Variants in RBFOX1 observed in about 807,000 individuals in gnomAD.
The protein encoded by RBFOX1 is RNA binding protein fox-1 homolog 1.
A neutral mutation model predicts 57.7 loss-of-function variants in RBFOX1; 8 were observed. That is an observed-to-expected ratio of 0.14 (90% CI 0.08 to 0.25). RBFOX1 has a LOEUF of 0.25. RBFOX1 is among the 10% of genes least tolerant of loss of function. RBFOX1 has a pLI of 1.00. For missense variants in RBFOX1, 611 were observed against 548.5 expected, an observed-to-expected ratio of 1.11 and a Z score of -1.14; for synonymous variants, 326 against 222.4, an observed-to-expected ratio of 1.47 and a Z score of -4.15.
intron 4 of RBFOX1, among the ~76,000 whole-genome samples, chr16:7,439,782 A>C (rs1378525575): frequency 1.3e-5 from 2 of 152,064 alleles, no homozygotes; most frequent in Admixed American, 6.6e-5. Flanking sequence ...CCAAATTTAC[A>C]GATTGCTTGC....
At chr16:6,977,146 A>G (rs551864703) in intron 3 of RBFOX1, among the ~76,000 whole-genome samples, 53 of 103,796 alleles carry the variant, frequency 5.1e-4, no homozygotes, top group African/African-American at 2.1e-3. Flanking sequence ...TATATTATAT[A>G]TATCATATAT....
chr16:7,141,946 C>T (rs952338680), intron 4 of RBFOX1, among the ~76,000 whole-genome samples: 2 of 152,116 alleles, frequency 1.3e-5, no homozygotes, highest in Non-Finnish European at 2.9e-5. Flanking sequence ...GATGTTTCAG[C>T]GGGATCCTAT....
chr16:7,527,143 G>T (rs1015252093), intron 5 of RBFOX1, among the ~76,000 whole-genome samples: 6 of 152,146 alleles, frequency 3.9e-5, no homozygotes, highest in African/African-American at 1.4e-4. Context: ...GTGTGACTGA[G>T]CTGTTTTGTC....
At position 6,553,203 on chromosome 16, in the gene RBFOX1, C is replaced by T. The variant is rs76971562; in HGVS notation, c.-63-101400C>T. Among the ~76,000 whole-genome samples, 569 of 152,240 alleles carry T rather than the reference C, an allele frequency of 3.7e-3. 6 individuals are homozygous for T. Among genetic ancestry groups the T allele is most frequent in the African/African-American group, 0.012 (478 of 41,540 alleles). On this transcript the variant is annotated intron_variant, in intron 2 of 15. Transcript: ENST00000550418. ...ATAAATATTTCTGCAGCTCTTCTCA[C>T]GCTATGGATTTGAGATGTGAACAGG...
chr16:7,537,372 G>A (rs1369454014), intron 5 of RBFOX1, among the ~76,000 whole-genome samples: 1 of 152,176 alleles, frequency 6.6e-6, no homozygotes, highest in African/African-American at 2.4e-5. Flanking sequence ...AATTCTGAGA[G>A]TGACCATTGA....
At chr16:5,702,637 A>G (rs1414106667) in intron 3 of RBFOX1, among the ~76,000 whole-genome samples, 1 of 152,196 alleles carries the variant, frequency 6.6e-6, no homozygotes, top group Non-Finnish European at 1.5e-5. Flanking sequence ...TGTTTTAACA[A>G]TAAGCTTCTA....
At chr16:7,317,030 G>T (rs1030489812) in intron 4 of RBFOX1, among the ~76,000 whole-genome samples, 4 of 151,070 alleles carry the variant, frequency 2.6e-5, no homozygotes, top group African/African-American at 9.8e-5. Flanking sequence ...GGAGTTAAAT[G>T]ACCATATTTA....
At chr16:7,029,046 C>CTATATATATATATATA (rs1225538161) in intron 3 of RBFOX1, among the ~76,000 whole-genome samples, 3 of 45,208 alleles carry the variant, frequency 6.6e-5, no homozygotes, top group Admixed American at 5.1e-4. Context: ...AAAAAAAAAG[C>CTATATATATATATATA]TATATATATA....
intron 3 of RBFOX1, among the ~76,000 whole-genome samples, chr16:6,842,750 C>A (rs529256135): frequency 6.6e-6 from 1 of 151,338 alleles, no homozygotes; most frequent in East Asian, 2.0e-4. Context: ...GTTTGCTGCA[C>A]CTGTCAACCC....
chr16:7,150,808 A>C (rs528379556), intron 4 of RBFOX1, among the ~76,000 whole-genome samples: 1 of 152,214 alleles, frequency 6.6e-6, no homozygotes, highest in African/African-American at 2.4e-5. Flanking sequence ...TACTCAATCT[A>C]TTGATGCTTG....
intron 3 of RBFOX1, among the ~76,000 whole-genome samples, chr16:6,849,326 A>C (rs1235958129): frequency 6.6e-6 from 1 of 152,196 alleles, no homozygotes; most frequent in African/African-American, 2.4e-5. Flanking sequence ...TTTAAGAGAA[A>C]TAGATTATGA....
intron 2 of RBFOX1, among the ~76,000 whole-genome samples, chr16:5,518,864 T>C (rs1597377362): frequency 6.6e-6 from 1 of 152,168 alleles, no homozygotes; most frequent in African/African-American, 2.4e-5. Flanking sequence ...CCTATCCCCC[T>C]AACCCCCACT....
At chr16:6,845,350 T>G (rs117409835) in intron 3 of RBFOX1, among the ~76,000 whole-genome samples, 2,628 of 151,954 alleles carry the variant, frequency 0.017, 30 homozygotes, top group Non-Finnish European at 0.025. Context: ...TTGAGTTAAT[T>G]TTTGTGTATT....
chr16:7,143,245 G>C (rs1272132368), intron 4 of RBFOX1, among the ~76,000 whole-genome samples: 1 of 151,442 alleles, frequency 6.6e-6, no homozygotes, highest in African/African-American at 2.4e-5. Context: ...GGGAAAATTA[G>C]AGAGAGAGAG....
intron 1 of RBFOX1, among the ~76,000 whole-genome samples, chr16:6,046,174 G>A (rs886656623): frequency 1.1e-4 from 17 of 152,166 alleles, no homozygotes; most frequent in African/African-American, 3.9e-4. Context: ...TGTCAAAAGT[G>A]GACACAGGGA....
At chr16:7,603,202 G>A (rs2095129617) in intron 9 of RBFOX1, among the ~76,000 whole-genome samples, 1 of 152,206 alleles carries the variant, frequency 6.6e-6, no homozygotes, top group Non-Finnish European at 1.5e-5. Flanking sequence ...ATGGAAGGAA[G>A]CAGGTCCTTG....
chr16:6,730,214 C>T (rs1168704598), intron 3 of RBFOX1, among the ~76,000 whole-genome samples: 1 of 152,042 alleles, frequency 6.6e-6, no homozygotes, highest in South Asian at 2.1e-4. Flanking sequence ...GGAACAAAGC[C>T]TGAGCAAATA....
intron 3 of RBFOX1, among the ~76,000 whole-genome samples, chr16:7,023,358 G>T (rs917466520): frequency 1.3e-5 from 2 of 151,492 alleles, no homozygotes; most frequent in African/African-American, 4.9e-5. Context: ...TACTTGGGAG[G>T]CTGAGACAGG....
At chr16:6,138,714 A>C (rs2152694373) in intron 1 of RBFOX1, among the ~76,000 whole-genome samples, 1 of 152,206 alleles carries the variant, frequency 6.6e-6, no homozygotes, top group East Asian at 1.9e-4. Flanking sequence ...GAAAATACAA[A>C]AAATTAGCAA....
Sources: allele counts gnomAD v4.1 joint callset (sites outside exome capture counted in the v4.1 genomes callset), GRCh38; gene constraint gnomAD v4.1.1; transcripts MANE v1.5; gene names NCBI Gene and HGNC (gene_info 2026-07-23, HGNC 2026-07-21).